Variants in TMEM117 observed in about 807,000 individuals in gnomAD.
TMEM117 encodes transmembrane protein 117.
A neutral mutation model predicts 52.4 loss-of-function variants in TMEM117; 27 were observed. That is an observed-to-expected ratio of 0.51 (90% CI 0.38 to 0.71). The LOEUF (loss-of-function observed/expected upper bound fraction) is 0.71. Ranked by LOEUF, TMEM117 falls within the 30% of genes least tolerant of loss-of-function variation. The pLI is 0.00. For missense variants in TMEM117, 556 were observed against 630.5 expected (o/e 0.88, Z 1.26); for synonymous variants, 215 against 206.3 (o/e 1.04, Z -0.36).
chr12:43,879,136 A>G (rs1481100359), intron 2 of TMEM117, among the ~76,000 whole-genome samples: 8 of 152,204 alleles, frequency 5.3e-5, no homozygotes, highest in Non-Finnish European at 8.8e-5. Context: ...ATCAAAGGAT[A>G]TACTGAAATT....
chr12:44,022,787 C>T (rs923138223), intron 3 of TMEM117, among the ~76,000 whole-genome samples: 2 of 152,120 alleles, frequency 1.3e-5, no homozygotes, highest in African/African-American at 2.4e-5. Flanking sequence ...TCATGATTCA[C>T]ATAGATATAG....
At chr12:44,039,006 T>C (rs1049618045) in intron 3 of TMEM117, among the ~76,000 whole-genome samples, 1 of 152,326 alleles carries the variant, frequency 6.6e-6, no homozygotes, top group East Asian at 1.9e-4. Flanking sequence ...CCAGACATCA[T>C]ATAATTTTAC....
At chr12:44,009,426 C>T (rs1189748412) in intron 3 of TMEM117, 6 of 205,656 alleles carry the variant, frequency 2.9e-5, no homozygotes, top group Admixed American at 1.2e-4. Flanking sequence ...TACACAACCA[C>T]TTCTTCAAAT....
intron 5 of TMEM117, among the ~76,000 whole-genome samples, chr12:44,216,573 C>T (rs1949721454): frequency 6.6e-6 from 1 of 152,122 alleles, no homozygotes; most frequent in South Asian, 2.1e-4. Flanking sequence ...AAGGGATGGG[C>T]AGCAAATGGC....
intron 4 of TMEM117, among the ~76,000 whole-genome samples, chr12:44,199,992 C>A (rs578173451): frequency 5.3e-4 from 81 of 152,182 alleles, no homozygotes; most frequent in African/African-American, 1.8e-3. Context: ...GTGGCACACA[C>A]CTGTAATCCC....
chr12:44,195,198 C>T (rs1949402615), intron 4 of TMEM117, among the ~76,000 whole-genome samples: 1 of 152,150 alleles, frequency 6.6e-6, no homozygotes, highest in African/African-American at 2.4e-5. Context: ...ACCTGATTCC[C>T]AGCTCATTCA....
At chr12:44,131,482 T>C (rs913422220) in intron 3 of TMEM117, among the ~76,000 whole-genome samples, 1 of 152,152 alleles carries the variant, frequency 6.6e-6, no homozygotes, top group Non-Finnish European at 1.5e-5. Context: ...AGTTTTTCTC[T>C]ATATATCCAT....
chr12:44,353,023 G>C (rs961569637), intron 6 of TMEM117, among the ~76,000 whole-genome samples: 1 of 152,112 alleles, frequency 6.6e-6, no homozygotes, highest in African/African-American at 2.4e-5. Flanking sequence ...TTGTGGTTTT[G>C]ATTTGCATTT....
intron 6 of TMEM117, among the ~76,000 whole-genome samples, chr12:44,350,511 G>A (rs576003238): frequency 2.6e-5 from 4 of 151,718 alleles, no homozygotes; most frequent in South Asian, 2.1e-4. Context: ...ATTTTTTGTT[G>A]TATCCATTAT....
chr12:44,090,839 GTTTTT>G (rs1264179472), intron 3 of TMEM117, among the ~76,000 whole-genome samples: 1 of 104,802 alleles, frequency 9.5e-6, no homozygotes, highest in Non-Finnish European at 1.9e-5. Context: ...GTATTTATGT[GTTTTT>G]TTTTGTTTTT....
At chr12:44,228,123 T>C (rs1302084088) in intron 5 of TMEM117, among the ~76,000 whole-genome samples, 3 of 151,878 alleles carry the variant, frequency 2.0e-5, no homozygotes, top group Non-Finnish European at 4.4e-5. Context: ...CTAAGAGAGA[T>C]AGGAAGTGAT....
At chr12:44,117,883 T>C (rs1948171882) in intron 3 of TMEM117, among the ~76,000 whole-genome samples, 1 of 152,158 alleles carries the variant, frequency 6.6e-6, no homozygotes, top group South Asian at 2.1e-4. Context: ...TATCTTTGTG[T>C]TACCAATTTA....
At chr12:44,153,195 A>G (rs962372507) in intron 4 of TMEM117, among the ~76,000 whole-genome samples, 1 of 152,026 alleles carries the variant, frequency 6.6e-6, no homozygotes, top group African/African-American at 2.4e-5. Flanking sequence ...AGGTGGAGAC[A>G]CTGAAGCTTA....
the TMEM117 span, among the ~76,000 whole-genome samples, chr12:43,807,634 G>A: frequency 6.6e-6 from 1 of 152,156 alleles, no homozygotes; most frequent in African/African-American, 2.4e-5. Flanking sequence ...GGAAGTTGGC[G>A]TTGCTCAAAA....
intron 2 of TMEM117, among the ~76,000 whole-genome samples, chr12:43,898,683 G>A (rs767392286): frequency 6.6e-6 from 1 of 152,074 alleles, no homozygotes; most frequent in Non-Finnish European, 1.5e-5. Context: ...ATGTGATGTC[G>A]GTGTTAAATA....
rs1454883423 is a variant in TMEM117 at position 44,389,610 on chromosome 12, C to G, written c.*938C>G. On this transcript the variant is annotated 3_prime_UTR_variant, in exon 8 of 8. Coordinates refer to ENST00000266534, the MANE Select transcript of TMEM117 (RefSeq NM_032256.3). Reference sequence around the variant, plus strand: ...CATATGCCAACCCTGAGCAAGGGAACTCCTCAAAAAATCATGCAGCGGAAC... The same window carrying G: ...CATATGCCAACCCTGAGCAAGGGAAGTCCTCAAAAAATCATGCAGCGGAAC... The G allele has an allele frequency of 6.6e-6, 1 of 152,518 alleles. No individual in the cohort carries two copies. Among genetic ancestry groups the G allele is most frequent in the Non-Finnish European group, 1.5e-5 (1 of 68,014 alleles). 9.4% of individuals were successfully genotyped at this position (152,518 alleles called of 1,614,324 possible).
chr12:44,157,360 G>T (rs1254124961), intron 4 of TMEM117, among the ~76,000 whole-genome samples: 1 of 144,898 alleles, frequency 6.9e-6, no homozygotes, highest in Non-Finnish European at 1.5e-5. Flanking sequence ...GTGGAATTAT[G>T]ACTGCTAATA....
intron 3 of TMEM117, among the ~76,000 whole-genome samples, chr12:43,960,430 T>C (rs1177465335): frequency 4.6e-5 from 7 of 152,164 alleles, no homozygotes; most frequent in African/African-American, 1.7e-4. Context: ...TACTATTGGT[T>C]TTGCATTACT....
intron 2 of TMEM117, among the ~76,000 whole-genome samples, chr12:43,896,320 T>A (rs1944201289): frequency 6.6e-6 from 1 of 152,174 alleles, no homozygotes; most frequent in Non-Finnish European, 1.5e-5. Flanking sequence ...CTTCCCAATC[T>A]CCCTGTTTCC....
Sources: gnomAD v4.1 joint callset for allele counts (sites outside exome capture counted in the v4.1 genomes callset) on GRCh38, gnomAD v4.1.1 for gene constraint, MANE v1.5 for transcripts, NCBI Gene and HGNC (gene_info 2026-07-23, HGNC 2026-07-21) for gene names.